Variants in PDZD2 observed in about 807,000 individuals in gnomAD.
PDZD2 encodes the protein PDZ domain-containing protein 2.
Under a neutral mutation model 220.7 loss-of-function variants are expected in PDZD2, and 90 were observed. The observed-to-expected ratio is 0.41, with a 90% confidence interval of 0.34 to 0.49. The LOEUF is 0.49. Ranked by LOEUF, PDZD2 falls within the 20% of genes least tolerant of loss-of-function variation. PDZD2 has a pLI of 0.28. For missense variants in PDZD2, 3,174 were observed against 3,608.5 expected (o/e 0.88, Z 3.08); for synonymous variants, 1,375 against 1,450.5 (o/e 0.95, Z 1.18).
chr5:32,104,716 TAAAAAAAAAAAAA>T (rs755177769), intron 24 of PDZD2, among the ~76,000 whole-genome samples: 2,395 of 30,196 alleles, frequency 0.079, 110 homozygotes, highest in African/African-American at 0.18. Flanking sequence ...AGGCTCCATC[TAAAAAAAAAAAAA>T]AAAAAAAAAA....
intron 2 of PDZD2, among the ~76,000 whole-genome samples, chr5:31,963,829 T>C (rs1748470485): frequency 6.6e-6 from 1 of 152,136 alleles, no homozygotes; most frequent in South Asian, 2.1e-4. Context: ...GCTTAGGGTC[T>C]ATACTAGCTC....
intron 1 of PDZD2, among the ~76,000 whole-genome samples, chr5:31,740,524 CAAAAA>C (rs58965956): frequency 0.017 from 1,013 of 60,130 alleles, 30 homozygotes; most frequent in South Asian, 0.066. Context: ...GACTCCGTCT[CAAAAA>C]AAAAAAAAAA....
intron 2 of PDZD2, among the ~76,000 whole-genome samples, chr5:31,930,978 T>C (rs1316867937): frequency 6.6e-6 from 1 of 151,850 alleles, no homozygotes; most frequent in Admixed American, 6.6e-5. Context: ...TTGGCATGAG[T>C]TGGAAGAGGA....
chr5:31,655,090 C>T (rs1009065304), intron 1 of PDZD2, among the ~76,000 whole-genome samples: 7 of 152,154 alleles, frequency 4.6e-5, no homozygotes, highest in East Asian at 3.9e-4. Context: ...TGGAGTCTTC[C>T]GTGCTACCCT....
At chr5:31,848,845 T>C (rs564989619) in intron 2 of PDZD2, among the ~76,000 whole-genome samples, 2 of 151,570 alleles carry the variant, frequency 1.3e-5, no homozygotes, top group South Asian at 4.2e-4. Context: ...ATCAGGAGAT[T>C]GAGAACATCC....
chr5:31,864,334 G>A (rs537232760), intron 2 of PDZD2, among the ~76,000 whole-genome samples: 3 of 152,046 alleles, frequency 2.0e-5, no homozygotes, highest in African/African-American at 2.4e-5. Context: ...GCCTGTCTCC[G>A]GTCTGCACCT....
chr5:31,800,795 C>T (rs1050870064), intron 2 of PDZD2, among the ~76,000 whole-genome samples: 5 of 152,134 alleles, frequency 3.3e-5, no homozygotes, highest in Non-Finnish European at 7.4e-5. Flanking sequence ...TTTTGTCAAG[C>T]TTTCAGGGGC....
intron 1 of PDZD2, among the ~76,000 whole-genome samples, chr5:31,751,014 A>C (rs1750929179): frequency 6.6e-6 from 1 of 152,146 alleles, no homozygotes; most frequent in African/African-American, 2.4e-5. Flanking sequence ...AGGCCAAGGC[A>C]GGTGGATCAC....
At chr5:32,051,093 T>C (rs969445891) in intron 8 of PDZD2, among the ~76,000 whole-genome samples, 2 of 152,192 alleles carry the variant, frequency 1.3e-5, no homozygotes, top group Non-Finnish European at 2.9e-5. Context: ...GAGAGGTTGG[T>C]GAAGCCTACA....
chr5:31,887,299 T>C (rs1191015457), intron 2 of PDZD2, among the ~76,000 whole-genome samples: 2 of 152,114 alleles, frequency 1.3e-5, no homozygotes, highest in African/African-American at 4.8e-5. Flanking sequence ...GGAGAGGCAG[T>C]GACAGAGTGG....
chr5:31,921,314 G>C (rs918764214), intron 2 of PDZD2, among the ~76,000 whole-genome samples: 2 of 152,174 alleles, frequency 1.3e-5, no homozygotes, highest in Admixed American at 6.5e-5. Context: ...GCTCTATGAA[G>C]CATTTAGCCT....
At chr5:31,673,193 G>A (rs369236683) in intron 1 of PDZD2, among the ~76,000 whole-genome samples, 4 of 152,176 alleles carry the variant, frequency 2.6e-5, no homozygotes, top group Admixed American at 1.3e-4. Flanking sequence ...TTTCCAGAGC[G>A]ACACGCTTCC....
chr5:31,826,906 G>A (rs941829070), intron 2 of PDZD2, among the ~76,000 whole-genome samples: 1 of 152,130 alleles, frequency 6.6e-6, no homozygotes, highest in African/African-American at 2.4e-5. Context: ...ACAGAGCCTG[G>A]AATCGAGCCG....
At chr5:31,930,652 A>G (rs1428154332) in intron 2 of PDZD2, among the ~76,000 whole-genome samples, 1 of 152,140 alleles carries the variant, frequency 6.6e-6, no homozygotes, top group Admixed American at 6.6e-5. Flanking sequence ...GCCACTGGAT[A>G]CCTCTGTGTG....
At chr5:31,737,396 T>C (rs1456794373) in intron 1 of PDZD2, among the ~76,000 whole-genome samples, 1 of 151,984 alleles carries the variant, frequency 6.6e-6, no homozygotes, top group African/African-American at 2.4e-5. Context: ...ATGGTCTTGA[T>C]CTCCTGACCT....
At position 32,052,705 on chromosome 5, in the gene PDZD2, T is replaced by C; in HGVS notation, c.1760T>C (p.Ile587Thr). 1 of 1,614,020 alleles carries C rather than the reference T, an allele frequency of 6.2e-7. No homozygotes were observed. Among genetic ancestry groups the C allele is most frequent in the Non-Finnish European group, 8.5e-7 (1 of 1,179,850 alleles). Residue 587 changes from isoleucine (I) to threonine (T), a missense_variant, in exon 9 of 25, where the codon ATT becomes ACT. Coordinates refer to ENST00000438447, the MANE Select transcript of PDZD2 (RefSeq NM_178140.4). ...ATTCGGCCATCCGTCATCTCGATCATTGGGTTGTACAAAGAAAAAGGCAAG... is the reference window on the plus strand; with the variant it reads ...ATTCGGCCATCCGTCATCTCGATCACTGGGTTGTACAAAGAAAAAGGCAAG... ...RLIRPSVISI[I>T]GLYKEKGKGL...
chr5:31,754,257 T>G (rs1236263359), intron 1 of PDZD2: 1 of 152,262 alleles, frequency 6.6e-6, no homozygotes. Context: ...GAGGGACCTG[T>G]GCACCCCCAC....
At chr5:32,068,750 G>A (rs951555698) in intron 14 of PDZD2, among the ~76,000 whole-genome samples, 2 of 152,124 alleles carry the variant, frequency 1.3e-5, no homozygotes, top group African/African-American at 4.8e-5. Context: ...TTGTTTCTAA[G>A]AGACCCATGC....
chr5:31,669,474 T>C (rs1186195536), intron 1 of PDZD2, among the ~76,000 whole-genome samples: 1 of 151,924 alleles, frequency 6.6e-6, no homozygotes, highest in African/African-American at 2.4e-5. Flanking sequence ...CTCTGCTTCC[T>C]GGCTGCCCCC....
Sources: allele counts gnomAD v4.1 joint callset (sites outside exome capture counted in the v4.1 genomes callset), GRCh38; gene constraint gnomAD v4.1.1; transcripts MANE v1.5; gene names NCBI Gene and HGNC (gene_info 2026-07-23, HGNC 2026-07-21).